The following GLDC variants were observed in gnomAD, a reference collection of about 807,000 sequenced individuals.
GLDC encodes glycine dehydrogenase (decarboxylating), mitochondrial.
GLDC carries 104 observed loss-of-function variants against 121.3 expected under a neutral mutation model. The ratio of observed to expected loss-of-function variants is 0.86; its 90% CI spans 0.73 to 1.01. GLDC has a LOEUF of 1.01. GLDC is among the 50% of genes least tolerant of loss of function. GLDC has a pLI of 0.00. For missense variants in GLDC, 1,429 were observed against 1,306.6 expected (o/e 1.09, Z -1.44); for synonymous variants, 546 against 480.6 (o/e 1.14, Z -1.78).
intron 2 of GLDC, among the ~76,000 whole-genome samples, chr9:6,637,486 G>A (rs969907633): frequency 6.6e-6 from 1 of 151,730 alleles, no homozygotes; most frequent in Non-Finnish European, 1.5e-5. Flanking sequence ...AAGTCATTCT[G>A]TCGCCCAGGC....
rs183927085 is a variant in GLDC at position 6,580,047 on chromosome 9, A to G, written c.1850+7094T>C. On this transcript the variant is annotated intron_variant, in intron 15 of 24. Transcript: ENST00000321612. ...CTAGAATCCACACAGTCTCAGAACT[A>G]CGGAAGACCTGGCCCCACTCTTCAT... 1.7e-3 allele frequency among the ~76,000 whole-genome samples: 261 copies of G among 152,324 alleles called. 2 individuals carry two copies. The highest frequency in any genetic ancestry group is 3.4e-3 in the Middle Eastern group (1 of 294).
Position 6,611,427 on chromosome 9 carries a change from G to T in GLDC, c.471-1071C>A, listed in dbSNP as rs567245106. On this transcript the variant is annotated intron_variant, in intron 3 of 24. Transcript: ENST00000321612. ...AACAATTAGCCAGGCGTGGTGGCAC[G>T]TGCCTGTAGTCCCAGCTACTCAGGA... Among the ~76,000 whole-genome samples, 7 of 152,106 alleles carry T rather than the reference G, an allele frequency of 4.6e-5. No homozygotes were observed. The South Asian group carries it at 6.2e-4, about 13-fold the overall frequency.
intron 15 of GLDC, among the ~76,000 whole-genome samples, chr9:6,578,039 C>T (rs1205431363): frequency 1.3e-5 from 2 of 151,758 alleles, no homozygotes; most frequent in South Asian, 2.1e-4. Flanking sequence ...CTCGGCCTCT[C>T]GAGTAGCTGG....
At chr9:6,616,687 G>A (rs1310023634) in intron 3 of GLDC, among the ~76,000 whole-genome samples, 1 of 152,172 alleles carries the variant, frequency 6.6e-6, no homozygotes, top group Non-Finnish European at 1.5e-5. Flanking sequence ...AATTCAACTG[G>A]TTTGTTCCTA....
At chr9:6,578,254 G>C (rs1818111078) in intron 15 of GLDC, among the ~76,000 whole-genome samples, 1 of 151,630 alleles carries the variant, frequency 6.6e-6, no homozygotes, top group Non-Finnish European at 1.5e-5. Context: ...CAAGCAGCTG[G>C]GACCACAGAT....
chr9:6,641,759 C>T (rs961050738), intron 2 of GLDC, among the ~76,000 whole-genome samples: 21 of 152,122 alleles, frequency 1.4e-4, no homozygotes, highest in African/African-American at 5.1e-4. Context: ...TAATAAGTAA[C>T]CCAAGTATTT....
At chr9:6,592,012 G>C (rs1015942259) in intron 11 of GLDC, 131 bp downstream of exon 11, 19 of 712,460 alleles carry the variant, frequency 2.7e-5, no homozygotes, top group South Asian at 7.4e-5. Flanking sequence ...GGGATAGTCA[G>C]TGGAATAATT....
At chr9:6,557,127 T>C (rs1817650300) in intron 17 of GLDC, among the ~76,000 whole-genome samples, 1 of 152,192 alleles carries the variant, frequency 6.6e-6, no homozygotes, top group African/African-American at 2.4e-5. Flanking sequence ...TATTTAACAA[T>C]ATATAATTTT....
chr9:6,616,269 A>T lies in GLDC; in HGVS notation c.470+3915T>A, dbSNP rs548897697. Among the ~76,000 whole-genome samples the T allele has an allele frequency of 4.6e-5, 7 of 152,336 alleles. No homozygotes were observed. In the East Asian group the frequency reaches 1.3e-3, roughly 29 times the overall value. The stretch of plus-strand genomic sequence containing the variant: ...TTTCCACTTAAAAACTATTTATTCA[A>T]ATTAGTTACATCTTTTCTGTCCCTT... On this transcript the variant is annotated intron_variant, in intron 3 of 24. Coordinates refer to ENST00000321612, the MANE Select transcript of GLDC (RefSeq NM_000170.3).
intron 7 of GLDC, among the ~76,000 whole-genome samples, chr9:6,603,800 G>A (rs2129892473): frequency 6.6e-6 from 1 of 150,842 alleles, no homozygotes; most frequent in Non-Finnish European, 1.5e-5. Context: ...CGCGATCTCG[G>A]CTCACTGCAA....
chr9:6,593,442 A>G (rs1407357514), intron 9 of GLDC, among the ~76,000 whole-genome samples: 1 of 151,172 alleles, frequency 6.6e-6, no homozygotes, highest in African/African-American at 2.4e-5. Flanking sequence ...GGGATCAAGG[A>G]CTCATGCCAT....
In GLDC at chr9:6,589,178, A is replaced by G. The variant is rs760340741; in HGVS notation, c.1580+17T>C. ...TACCAAAGCACAAAACGCAGAAGTC[A>G]CACAAGACACACAAACCTGTTGAAC... On this transcript the variant is annotated intron_variant, in intron 12 of 24. Transcript: ENST00000321612. The G allele has an allele frequency of 6.7e-7, 1 of 1,489,806 alleles. No homozygotes were observed. Among genetic ancestry groups the G allele is most frequent in the Admixed American group, 1.7e-5 (1 of 59,882 alleles). The allele number at this position is 1,489,806 out of a possible 1,614,324, so 92.3% of individuals were successfully genotyped here. A position where few individuals can be genotyped will look rare whatever the true frequency, so the allele number is the denominator to read the frequency against.
intron 3 of GLDC, among the ~76,000 whole-genome samples, chr9:6,617,830 C>T (rs556528206): frequency 3.1e-4 from 47 of 152,220 alleles, no homozygotes; most frequent in Non-Finnish European, 4.3e-4. Context: ...AAATTGTTAA[C>T]ACTCATTGAT....
Position 6,565,422 on chromosome 9 carries a change from G to C in GLDC, c.1858C>G (p.Gln620Glu). The change falls in exon 16 of 25, where the codon CAG becomes GAG. Residue 620 changes from glutamine (Q) to glutamate (E), a missense_variant. Transcript: ENST00000321612. ...GTGGCCAGTCCAGCATATTCTCCCT[G>C]GGCTCCGCTTGCAAAGACAAGAAGA... ...QVCFQPNSGA[Q>E]GEYAGLATIR... 1.2e-6 allele frequency: 2 copies of C among 1,612,888 alleles called. No individual in the cohort carries two copies. The highest frequency in any genetic ancestry group is 2.2e-5 in the East Asian group (1 of 44,870).
intron 21 of GLDC, among the ~76,000 whole-genome samples, chr9:6,545,598 A>T (rs942466247): frequency 4.6e-5 from 7 of 152,160 alleles, no homozygotes; most frequent in African/African-American, 1.4e-4. Flanking sequence ...TAATTTATTT[A>T]AAAAAACTTT....
chr9:6,639,263 G>A (rs1007673042), intron 2 of GLDC: 8 of 903,088 alleles, frequency 8.9e-6, no homozygotes, highest in African/African-American at 3.2e-5. Flanking sequence ...AAGAAGATCC[G>A]CACATCACCC....
intron 2 of GLDC, among the ~76,000 whole-genome samples, chr9:6,631,875 T>C (rs1402177573): frequency 2.0e-5 from 3 of 152,192 alleles, no homozygotes; most frequent in Non-Finnish European, 2.9e-5. Flanking sequence ...GAGACCAGCC[T>C]AGGCAACACA....
At position 6,552,116 on chromosome 9, in the gene GLDC, G is replaced by A. The variant is rs756544744; in HGVS notation, c.2458-1202C>T. Among the ~76,000 whole-genome samples the A allele has an allele frequency of 2.0e-5, 3 of 152,188 alleles. No homozygotes were observed. In the East Asian group the frequency reaches 5.8e-4, roughly 29 times the overall value. Reference sequence around the variant, plus strand: ...GTGAGTCTAGCAGTCCTGTAGGTGCGCCTGTGGAATTGCAGCAGGGAGAGA... The same window carrying A: ...GTGAGTCTAGCAGTCCTGTAGGTGCACCTGTGGAATTGCAGCAGGGAGAGA... On this transcript the variant is annotated intron_variant, in intron 20 of 24. Coordinates refer to ENST00000321612, the MANE Select transcript of GLDC (RefSeq NM_000170.3).
intron 12 of GLDC, 104 bp downstream of exon 12, chr9:6,589,091 A>G: frequency 1.2e-6 from 1 of 802,256 alleles, no homozygotes; most frequent in Non-Finnish European, 2.2e-6. Context: ...CGGCTGAGCC[A>G]GAATAACCAG....
Sources: allele counts gnomAD v4.1 joint callset (sites outside exome capture counted in the v4.1 genomes callset), GRCh38; gene constraint gnomAD v4.1.1; transcripts MANE v1.5; gene names NCBI Gene and HGNC (gene_info 2026-07-23, HGNC 2026-07-21).